LRP1B: variants seen among roughly 807,000 people sequenced by gnomAD.
LRP1B encodes the protein LDL receptor related protein 1B.
A neutral mutation model predicts 556.6 loss-of-function variants in LRP1B; 217 were observed. The observed-to-expected ratio is 0.39, with a 90% CI of 0.35 to 0.44. The LOEUF (loss-of-function observed/expected upper bound fraction) is 0.44, where lower values mean the gene tolerates loss of function less well. Among genes scored for constraint, LRP1B ranks in the 20% least tolerant of loss-of-function variants. The pLI, the probability that LRP1B is intolerant of heterozygous loss-of-function variation, is 1.00. For missense variants in LRP1B, 5,053 were observed against 5,620.8 expected (o/e 0.90, Z 3.23); for synonymous variants, 2,047 against 1,865.8 (o/e 1.10, Z -2.50).
At chr2:140,729,616 G>A (rs566831044) in intron 35 of LRP1B, among the ~76,000 whole-genome samples, 1 of 152,026 alleles carries the variant, frequency 6.6e-6, no homozygotes, top group African/African-American at 2.4e-5. Context: ...TCTATTGAAG[G>A]CCATGTGTAT....
intron 63 of LRP1B, among the ~76,000 whole-genome samples, chr2:140,449,926 G>C (rs1686816947): frequency 1.3e-5 from 2 of 152,104 alleles, no homozygotes; most frequent in Admixed American, 6.6e-5. Flanking sequence ...AGTACAAAAG[G>C]CTATCAAGGA....
intron 29 of LRP1B, among the ~76,000 whole-genome samples, chr2:140,848,991 C>T (rs977969408): frequency 1.3e-5 from 2 of 151,978 alleles, no homozygotes; most frequent in Non-Finnish European, 2.9e-5. Flanking sequence ...GAAATAGGAA[C>T]AGTTTTCCTG....
At chr2:141,386,874 A>C (rs1392865129) in intron 3 of LRP1B, among the ~76,000 whole-genome samples, 2 of 152,032 alleles carry the variant, frequency 1.3e-5, no homozygotes, top group Non-Finnish European at 2.9e-5. Context: ...AATATATAGA[A>C]TATTCCACCA....
intron 1 of LRP1B, among the ~76,000 whole-genome samples, chr2:141,869,111 T>C (rs1278405325): frequency 6.6e-6 from 1 of 152,088 alleles, no homozygotes; most frequent in Non-Finnish European, 1.5e-5. Flanking sequence ...TGGACCACAA[T>C]TGCTATTTAT....
intron 1 of LRP1B, among the ~76,000 whole-genome samples, chr2:142,117,686 A>G (rs182379421): frequency 2.4e-4 from 36 of 152,144 alleles, no homozygotes; most frequent in African/African-American, 8.4e-4. Flanking sequence ...TTGATAGGCA[A>G]TATTTAAAAC....
chr2:140,615,469 G>A (rs1194524817), intron 41 of LRP1B, among the ~76,000 whole-genome samples: 2 of 152,034 alleles, frequency 1.3e-5, no homozygotes, highest in African/African-American at 2.4e-5. Flanking sequence ...CTGCAATACC[G>A]CTATCTCAGT....
intron 37 of LRP1B, among the ~76,000 whole-genome samples, chr2:140,709,696 G>T (rs975723920): frequency 5.3e-5 from 8 of 151,874 alleles, no homozygotes; most frequent in Non-Finnish European, 8.8e-5. Context: ...CTCCATTATG[G>T]TTCACATTTT....
At chr2:141,409,918 A>T (rs1018109898) in intron 3 of LRP1B, among the ~76,000 whole-genome samples, 1 of 152,050 alleles carries the variant, frequency 6.6e-6, no homozygotes, top group Admixed American at 6.5e-5. Context: ...AAGTATACAT[A>T]GTTGGATATT....
chr2:141,772,360 C>T (rs1205859436), intron 2 of LRP1B, among the ~76,000 whole-genome samples: 1 of 152,048 alleles, frequency 6.6e-6, no homozygotes, highest in Non-Finnish European at 1.5e-5. Flanking sequence ...ATACTTTCAC[C>T]AACTTGTGTC....
intron 1 of LRP1B, among the ~76,000 whole-genome samples, chr2:142,089,248 A>G (rs541062214): frequency 6.6e-6 from 1 of 152,284 alleles, no homozygotes; most frequent in Non-Finnish European, 1.5e-5. Flanking sequence ...AATCTACAAT[A>G]TCCTTTGATA....
At chr2:141,853,356 A>G (rs2105778304) in intron 1 of LRP1B, among the ~76,000 whole-genome samples, 1 of 151,664 alleles carries the variant, frequency 6.6e-6, no homozygotes, top group East Asian at 1.9e-4. Context: ...AAAAATAATG[A>G]TATGTACTTT....
chr2:141,642,030 T>C lies in LRP1B; in HGVS notation c.206-161497A>G, dbSNP rs370456954. 2.6e-5 allele frequency among the ~76,000 whole-genome samples: 4 copies of C among 152,140 alleles called. No individual in the cohort carries two copies. In the East Asian group the frequency reaches 7.7e-4, roughly 29 times the overall value. On this transcript the variant is annotated intron_variant, in intron 2 of 90. Coordinates refer to ENST00000389484, the MANE Select transcript of LRP1B (RefSeq NM_018557.3). Reference sequence around the variant, plus strand: ...AAAACCCCCCCCCAAAAAACAAGTCTAGATTTGAAGTCACACCAGAATTTC... The same window carrying C: ...AAAACCCCCCCCCAAAAAACAAGTCCAGATTTGAAGTCACACCAGAATTTC...
intron 2 of LRP1B, among the ~76,000 whole-genome samples, chr2:141,551,324 C>T (rs909841248): frequency 2.0e-5 from 3 of 151,450 alleles, no homozygotes; most frequent in Non-Finnish European, 4.4e-5. Flanking sequence ...CAAGGTTATT[C>T]ATTAAACATT....
chr2:141,714,639 G>T (rs1488728348), intron 2 of LRP1B, among the ~76,000 whole-genome samples: 1 of 152,106 alleles, frequency 6.6e-6, no homozygotes, highest in African/African-American at 2.4e-5. Context: ...CAGACAAGTT[G>T]CTGTAGGCAG....
At chr2:141,307,802 C>T (rs1475450334) in intron 3 of LRP1B, among the ~76,000 whole-genome samples, 6 of 152,076 alleles carry the variant, frequency 3.9e-5, no homozygotes, top group African/African-American at 1.4e-4. Context: ...CTTGGGCCTT[C>T]AGATAGGTTG....
intron 2 of LRP1B, among the ~76,000 whole-genome samples, chr2:141,541,331 G>C (rs115511488): frequency 7.9e-4 from 120 of 152,068 alleles, no homozygotes; most frequent in African/African-American, 2.8e-3. Context: ...AACATGCTTT[G>C]GAAGAATAAG....
At chr2:141,043,230 A>G (rs201884879) in intron 11 of LRP1B, among the ~76,000 whole-genome samples, 7 of 71,800 alleles carry the variant, frequency 9.7e-5, no homozygotes, top group African/African-American at 2.2e-4. Context: ...ATAAATTAAA[A>G]TAAATAAACA....
intron 3 of LRP1B, among the ~76,000 whole-genome samples, chr2:141,443,467 G>A (rs1439767972): frequency 6.6e-6 from 1 of 152,046 alleles, no homozygotes; most frequent in Non-Finnish European, 1.5e-5. Context: ...GGCTTTTGTT[G>A]CCATTGCTTT....
chr2:140,852,810 T>C (rs1457463722), intron 27 of LRP1B, among the ~76,000 whole-genome samples: 1 of 152,134 alleles, frequency 6.6e-6, no homozygotes, highest in East Asian at 1.9e-4. Context: ...TTGGGACATT[T>C]TGAATTTTAT....
Sources: allele counts gnomAD v4.1 joint callset (sites outside exome capture counted in the v4.1 genomes callset), GRCh38; gene constraint gnomAD v4.1.1; transcripts MANE v1.5; gene names NCBI Gene and HGNC (gene_info 2026-07-23, HGNC 2026-07-21).